ADAMTS10: variants seen among roughly 807,000 people sequenced by gnomAD.
ADAMTS10 encodes the protein A disintegrin and metalloproteinase with thrombospondin motifs 10.
Under a neutral mutation model 135.9 loss-of-function variants are expected in ADAMTS10, and 48 were observed. The observed-to-expected ratio is 0.35, with a 90% CI of 0.28 to 0.45. The LOEUF (loss-of-function observed/expected upper bound fraction) is 0.45. Ranked by LOEUF, ADAMTS10 falls within the 20% of genes least tolerant of loss-of-function variation. The pLI, the probability that ADAMTS10 is intolerant of heterozygous loss-of-function variation, is 1.00. For missense variants in ADAMTS10, 1,131 were observed against 1,565.2 expected (o/e 0.72, Z 4.68); for synonymous variants, 621 against 647.5 (o/e 0.96, Z 0.62).
At position 8,586,413 on chromosome 19, in the gene ADAMTS10, G is replaced by A. The variant is rs1555737187; in HGVS notation, c.2461C>T (p.Arg821Cys). ...CAGGAGTAGGGGGGCAGCGAGTCAC[G>A]GGCGATGGGGGCATTGAAGCGGTAG... is the stretch of plus-strand genomic sequence containing the variant. Reference protein sequence around the residue: ...LRYRFNAPIARDSLPPYSWHY... With the variant: ...LRYRFNAPIACDSLPPYSWHY... Residue 821 changes from arginine to cysteine, a missense_variant, in exon 21 of 26, where the codon CGT (arginine) becomes TGT (cysteine). Arg to Cys is a radical substitution (Grantham distance 180). This residue lies in a region of ADAMTS10 where 745 missense variants were observed against 1,056.3 expected (regional missense o/e 0.71). Coordinates refer to ENST00000597188, the MANE Select transcript of ADAMTS10 (RefSeq NM_030957.4). The A allele has an allele frequency of 2.5e-6, 4 of 1,613,946 alleles. No homozygotes were observed. The highest frequency in any genetic ancestry group is 1.7e-5 in the Admixed American group (1 of 60,006).
intron 22 of ADAMTS10, 100 bp from the exon 23 acceptor site, chr19:8,585,760 G>C: frequency 8.1e-7 from 1 of 1,238,978 alleles, no homozygotes; most frequent in Non-Finnish European, 1.1e-6. Context: ...CAATCACCCA[G>C]CCTCATATGG....
rs369050914 is a variant in ADAMTS10 at position 8,581,130 on chromosome 19, C to CTT, written c.3203-130_3203-129dup. On this transcript the variant is annotated intron_variant, in intron 25 of 25. Transcript: ENST00000597188. ...CTTGGTTTCTTTCTTTTTAAATTTA[C>CTT]TTTTTTTTTTTTTTTTTTTTTTTTT... 1,139 of 146,946 alleles carry CTT rather than the reference C, an allele frequency of 7.8e-3. 88 individuals are homozygous for CTT. The highest frequency in any genetic ancestry group is 0.015 in the Admixed American group (86 of 5,908). 9.1% of individuals were successfully genotyped at this position (146,946 alleles called of 1,614,324 possible).
intron 1 of ADAMTS10, among the ~76,000 whole-genome samples, chr19:8,609,127 T>G (rs2042753016): frequency 6.6e-6 from 1 of 150,476 alleles, no homozygotes. Context: ...GTGGCGTGTG[T>G]GTGTGACTGC....
At position 8,592,844 on chromosome 19, in the gene ADAMTS10, C is replaced by T. The variant is rs782419934; in HGVS notation, c.1506G>A (p.Leu502=). 1.2e-6 allele frequency: 2 copies of T among 1,612,664 alleles called. No homozygotes were observed. The highest frequency in any genetic ancestry group is 1.7e-5 in the Admixed American group (1 of 59,996). Residue 502 remains leucine (L), a synonymous_variant, in exon 13 of 26, where the codon CTG becomes CTA. Coordinates refer to ENST00000597188, the MANE Select transcript of ADAMTS10 (RefSeq NM_030957.4). ...YGEVCSELWC[L]SKSNRCITNS... The stretch of plus-strand genomic sequence containing the variant: ...TGGTGATGCACCGGTTGCTCTTGCT[C>T]AGACACCACAGCTCGCTGCAGACCT...
chr19:8,594,065 T>C (rs2042575729), intron 12 of ADAMTS10, among the ~76,000 whole-genome samples: 1 of 152,218 alleles, frequency 6.6e-6, no homozygotes, highest in Admixed American at 6.5e-5. Context: ...GACTGTGTCC[T>C]CTTGGCCATA....
chr19:8,585,226 G>C lies in ADAMTS10; in HGVS notation c.2948C>G (p.Ala983Gly). The change falls in exon 24 of 26, where the codon GCG (alanine) becomes GGG (glycine). Residue 983 changes from alanine to glycine, a missense_variant. By Grantham distance (60) the Ala-to-Gly change is moderately conservative. This residue lies in a region of ADAMTS10 where 745 missense variants were observed against 1,056.3 expected (regional missense o/e 0.71). Coordinates refer to ENST00000597188, the MANE Select transcript of ADAMTS10 (RefSeq NM_030957.4). Reference protein sequence around the residue: ...SADHRATLPPAHCSPAAKPPA... With the variant: ...SADHRATLPPGHCSPAAKPPA... ...TGGCTTGGCGGCGGGTGAGCAGTGC[G>C]CCGGGGGCAGCGTGGCGCGGTGGTC... The C allele has an allele frequency of 1.4e-6, 2 of 1,453,452 alleles. No individual in the cohort carries two copies. Among genetic ancestry groups the C allele is most frequent in the Non-Finnish European group, 9.1e-7 (1 of 1,102,640 alleles). 90.0% of individuals were successfully genotyped at this position (1,453,452 alleles called of 1,614,324 possible). A position where few individuals can be genotyped will look rare whatever the true frequency, so the allele number is the denominator to read the frequency against.
intron 4 of ADAMTS10, among the ~76,000 whole-genome samples, chr19:8,604,531 G>C (rs2042699233): frequency 6.6e-6 from 1 of 150,846 alleles, no homozygotes; most frequent in Non-Finnish European, 1.5e-5. Context: ...ACCCATGCTG[G>C]AGGGCAGTGT....
rs782081661 is a variant in ADAMTS10 at position 8,589,360 on chromosome 19, C to T, written c.2040G>A (p.Val680=). 7 of 1,612,232 alleles carry T rather than the reference C, an allele frequency of 4.3e-6. No homozygotes were observed. The South Asian group carries it at 7.7e-5, about 18-fold the overall frequency. ...CGGAGCCCAGGACTCGGTCGCAGCCCACGTGCTGCGTGGAGAAGGCGTGAG... is the reference window on the plus strand; with the variant it reads ...CGGAGCCCAGGACTCGGTCGCAGCCTACGTGCTGCGTGGAGAAGGCGTGAG... ...DICVSGECKH[V]GCDRVLGSDL... is the part of the protein sequence containing the mutation. Residue 680 remains valine, a synonymous_variant, in exon 18 of 26, where the codon GTG becomes GTA. Transcript: ENST00000597188.
rs78297703 is a variant in ADAMTS10 at position 8,589,902 on chromosome 19, T to C, written c.1887A>G (p.Lys629=). Residue 629 remains lysine (K), a synonymous_variant, in exon 16 of 26, where the codon AAA becomes AAG. Transcript: ENST00000597188. ...TCCCACACTCACCTCCCCGGTACGT[T>C]TTCCACTTGTAGAATTTCCCACGGA... ...IPFRGKFYKW[K]TYRGGGVKAC... is the part of the protein sequence containing the mutation. 240 of 1,614,010 alleles carry C rather than the reference T, an allele frequency of 1.5e-4. 1 individual carries two copies. The African/African-American group carries it at 3.1e-3, about 21-fold the overall frequency.
chr19:8,604,040 A>G (rs1555742011), intron 4 of ADAMTS10, among the ~76,000 whole-genome samples, 156 bp from the exon 5 acceptor site: 2 of 136,906 alleles, frequency 1.5e-5, no homozygotes, highest in African/African-American at 5.5e-5. Context: ...TGTCCATGCT[A>G]TTTATTTATT....
At chr19:8,606,439 T>C (rs1390694589) in intron 2 of ADAMTS10, among the ~76,000 whole-genome samples, 1 of 152,172 alleles carries the variant, frequency 6.6e-6, no homozygotes, top group Non-Finnish European at 1.5e-5. Flanking sequence ...TCTCACTATG[T>C]GACCCAGGCT....
chr19:8,604,481 AT>A (rs1202564045), intron 4 of ADAMTS10, among the ~76,000 whole-genome samples: 1 of 147,544 alleles, frequency 6.8e-6, no homozygotes, highest in Non-Finnish European at 1.5e-5. Context: ...AATATAAAAA[AT>A]ATATATATAT....
Position 8,584,926 on chromosome 19 carries a change from G to A in ADAMTS10, c.3171C>T (p.Cys1057=). Reference sequence around the variant, plus strand: ...GGCCGTCCCCGGGGGTTGGGCTGTCGCACTTGGCCTCACACTGCTGCGTGG... The same window carrying A: ...GGCCGTCCCCGGGGGTTGGGCTGTCACACTTGGCCTCACACTGCTGCGTGG... The part of the protein sequence containing the change: ...PPTTQQCEAK[C]DSPTPGDGPE... The change falls in exon 25 of 26, where the codon TGC becomes TGT. Residue 1057 remains cysteine, a synonymous_variant. Coordinates refer to ENST00000597188, the MANE Select transcript of ADAMTS10 (RefSeq NM_030957.4). 6.5e-7 allele frequency: 1 copy of A among 1,548,908 alleles called. No homozygotes were observed. Among genetic ancestry groups the A allele is most frequent in the South Asian group, 1.2e-5 (1 of 84,032 alleles).
chr19:8,594,919 T>C (rs782029221), intron 12 of ADAMTS10, among the ~76,000 whole-genome samples: 3 of 152,082 alleles, frequency 2.0e-5, no homozygotes, highest in Non-Finnish European at 4.4e-5. Context: ...GTCAGTGAAA[T>C]AGAAATTGTT....
At position 8,596,119 on chromosome 19, in the gene ADAMTS10, A is replaced by G; in HGVS notation, c.1291T>C (p.Phe431Leu). The G allele has an allele frequency of 1.9e-6, 3 of 1,614,126 alleles. No homozygotes were observed. Among genetic ancestry groups the G allele is most frequent in the Non-Finnish European group, 2.5e-6 (3 of 1,180,012 alleles). ...TCACGGCTGCAGGATGACCACACGA[A>G]TGGGTTGGTCTTCATGGTAATGTGG... ...AAHITMKTNP[F>L]VWSSCSRDYI... Residue 431 changes from phenylalanine to leucine, a missense_variant, in exon 11 of 26, where the codon TTC (phenylalanine) becomes CTC (leucine). Coordinates refer to ENST00000597188, the MANE Select transcript of ADAMTS10 (RefSeq NM_030957.4). The surrounding 1 kb of genome is among the most constrained non-coding windows in gnomAD (Gnocchi z 7.2).
intron 25 of ADAMTS10, 127 bp from the exon 26 acceptor site, chr19:8,581,129 A>AATTTTTTTTTTTTTTTT: frequency 1.6e-5 from 2 of 126,902 alleles, no homozygotes; most frequent in Non-Finnish European, 2.6e-5. Flanking sequence ...TTTTAAATTT[A>AATTTTTTTTTTTTTTTT]CTTTTTTTTT....
rs1555737390 is a variant in ADAMTS10 at position 8,586,836 on chromosome 19, T to C, written c.2219A>G (p.Asn740Ser). The C allele has an allele frequency of 1.2e-6, 2 of 1,613,858 alleles. No individual in the cohort carries two copies. Among genetic ancestry groups the C allele is most frequent in the South Asian group, 2.2e-5 (2 of 91,062 alleles). ...GSVHIFIQDLNLSLSHLALKG... is the reference protein window; with the variant it reads ...GSVHIFIQDLSLSLSHLALKG... The stretch of plus-strand genomic sequence containing the variant: ...CTCACCCAAGTGACTGAGAGAGAGG[T>C]TCAGATCCTGGATGAAGATGTGGAC... Residue 740 changes from asparagine (N) to serine (S), a missense_variant, in exon 19 of 26, where the codon AAC (asparagine) becomes AGC (serine). Physicochemically the swap from Asn to Ser is conservative, Grantham distance 46. Around this residue, in one of 3 missense-constraint regions of ADAMTS10, gnomAD observed 745 missense variants for 1,056.3 expected, o/e 0.71. Coordinates refer to ENST00000597188, the MANE Select transcript of ADAMTS10 (RefSeq NM_030957.4).
In ADAMTS10 at chr19:8,585,016, C is replaced by T. The variant is rs781916006; in HGVS notation, c.3081G>A (p.Ser1027=). Residue 1027 remains serine, a synonymous_variant, in exon 25 of 26, where the codon TCG becomes TCA. Coordinates refer to ENST00000597188, the MANE Select transcript of ADAMTS10 (RefSeq NM_030957.4). The stretch of plus-strand genomic sequence containing the variant: ...GGCCCGTGTGGCTGGTGCAGCGCAC[C>T]GAGCGCTGCCGCTGCCCGACGCCGC... ...AQCGVGQRQR[S]VRCTSHTGQA... is the part of the protein sequence containing the mutation. The T allele has an allele frequency of 2.0e-6, 3 of 1,536,692 alleles. No individual in the cohort carries two copies. The highest frequency in any genetic ancestry group is 2.5e-5 in the East Asian group (1 of 40,652).
rs370591537 is a variant in ADAMTS10, at chr19:8,587,333, C to T, written c.2159-437G>A. Among the ~76,000 whole-genome samples the T allele has an allele frequency of 2.2e-3, 168 of 77,474 alleles. 3 individuals carry two copies. Among genetic ancestry groups the T allele is most frequent in the African/African-American group, 7.6e-3 (145 of 19,098 alleles). The allele number at this position is 77,474 out of a possible 152,430, so 50.8% of individuals were successfully genotyped here. A position where few individuals can be genotyped will look rare whatever the true frequency, so the allele number is the denominator to read the frequency against. ...CACCACACCTGGCTAACTAAAAAAC[C>T]TTTTTTTTTTTTTTTTTTTTTTTGT... On this transcript the variant is annotated intron_variant, in intron 18 of 25. Transcript: ENST00000597188.
Sources: allele counts gnomAD v4.1 joint callset (sites outside exome capture counted in the v4.1 genomes callset), GRCh38; gene constraint gnomAD v4.1.1; regional missense constraint gnomAD v4.1.1; non-coding constraint Gnocchi (gnomAD v3.1); transcripts MANE v1.5; gene names NCBI Gene and HGNC (gene_info 2026-07-23, HGNC 2026-07-21).